Variants in MARCHF8 observed in about 807,000 individuals in gnomAD.
MARCHF8 encodes the protein membrane associated ring-CH-type finger 8, also known as E3 ubiquitin-protein ligase MARCHF8.
A neutral mutation model predicts 51.6 loss-of-function variants in MARCHF8; 40 were observed. The ratio of observed to expected loss-of-function variants is 0.77; its 90% CI spans 0.60 to 1.01. The LOEUF is 1.01. Among genes scored for constraint, MARCHF8 ranks in the 50% least tolerant of loss-of-function variants. MARCHF8 has a pLI of 0.00. For missense variants in MARCHF8, 685 were observed against 708.6 expected (o/e 0.97, Z 0.38); for synonymous variants, 263 against 280.3 (o/e 0.94, Z 0.62).
rs1051555085 is a variant in MARCHF8 at position 45,475,411 on chromosome 10, G to T, written c.154-11084C>A. On this transcript the variant is annotated intron_variant, in intron 3 of 7. Transcript: ENST00000453424. ...TAGAGCCTGAATGCATCCCCGGGGG[G>T]GGCTGAAGTATGTCCTACCCAGTTC... Among the ~76,000 whole-genome samples the T allele has an allele frequency of 3.3e-5, 5 of 152,150 alleles. No individual in the cohort carries two copies. The East Asian group carries it at 5.8e-4, about 18-fold the overall frequency.
chr10:45,525,367 T>C (rs1469600599), intron 2 of MARCHF8, among the ~76,000 whole-genome samples: 1 of 152,236 alleles, frequency 6.6e-6, no homozygotes, highest in Non-Finnish European at 1.5e-5. Context: ...TTGAATTACC[T>C]TCTTACTTAT....
At chr10:45,518,365 G>C (rs1477780472) in intron 2 of MARCHF8, among the ~76,000 whole-genome samples, 1 of 152,116 alleles carries the variant, frequency 6.6e-6, no homozygotes, top group Non-Finnish European at 1.5e-5. Flanking sequence ...TTGATGACAT[G>C]TGTATTCTCG....
At chr10:45,482,133 A>G (rs2042898664) in intron 3 of MARCHF8, among the ~76,000 whole-genome samples, 1 of 152,204 alleles carries the variant, frequency 6.6e-6, no homozygotes, top group East Asian at 1.9e-4. Context: ...TTGCAAGGAA[A>G]ACTACAAAAC....
At chr10:45,561,275 AT>A (rs369519527) in intron 1 of MARCHF8, among the ~76,000 whole-genome samples, 1,453 of 142,820 alleles carry the variant, frequency 0.01, 6 homozygotes, top group Middle Eastern at 0.018. Context: ...ATGAAACAGA[AT>A]TTTTTTTTTT....
Position 45,463,344 on chromosome 10 carries a change from T to G in MARCHF8, c.895A>C (p.Ser299Arg), listed in dbSNP as rs1471816458. Residue 299 changes from serine (S) to arginine (R), a missense_variant, in exon 5 of 8, where the codon AGT (serine) becomes CGT (arginine). Transcript: ENST00000453424. The stretch of plus-strand genomic sequence containing the variant: ...ATCTCGTCAGAGCAGAAGCCCATAC[T>G]CCCTGCCAGCCCGCTGGAGGACTTG... ...TAKSSSGLAG[S>R]MGFCSDEMGD... The G allele has an allele frequency of 1.9e-6, 3 of 1,550,782 alleles. No individual in the cohort carries two copies. In the South Asian group the frequency reaches 3.6e-5, roughly 18 times the overall value.
At chr10:45,503,881 T>C (rs2043329376) in intron 2 of MARCHF8, among the ~76,000 whole-genome samples, 1 of 134,040 alleles carries the variant, frequency 7.5e-6, no homozygotes, top group Admixed American at 7.3e-5. Flanking sequence ...CAAAAGATCA[T>C]ATATTATATG....
At chr10:45,566,725 CA>C (rs1564518506) in intron 1 of MARCHF8, among the ~76,000 whole-genome samples, 2 of 108,322 alleles carry the variant, frequency 1.8e-5, no homozygotes, top group South Asian at 3.1e-4. Flanking sequence ...AGTGCTGCAA[CA>C]AAAACAGGAG....
At chr10:45,508,061 G>C (rs2133178036) in intron 2 of MARCHF8, among the ~76,000 whole-genome samples, 1 of 152,164 alleles carries the variant, frequency 6.6e-6, no homozygotes, top group Non-Finnish European at 1.5e-5. Flanking sequence ...TCTCACTTAT[G>C]AAAGAGCCAA....
intron 2 of MARCHF8, among the ~76,000 whole-genome samples, chr10:45,503,397 A>G (rs2043317214): frequency 6.6e-6 from 1 of 152,054 alleles, no homozygotes. Flanking sequence ...TTAGCTAGGC[A>G]TGGTGACGTA....
At chr10:45,522,144 C>T (rs1343242173) in intron 2 of MARCHF8, among the ~76,000 whole-genome samples, 1 of 152,014 alleles carries the variant, frequency 6.6e-6, no homozygotes, top group Non-Finnish European at 1.5e-5. Flanking sequence ...TTCAAATTTC[C>T]CCCAAAAAAC....
chr10:45,514,856 T>A (rs559113463), intron 2 of MARCHF8, among the ~76,000 whole-genome samples: 1 of 152,146 alleles, frequency 6.6e-6, no homozygotes, highest in South Asian at 2.1e-4. Flanking sequence ...CAAAACAAAA[T>A]TTTTTTCCCC....
At chr10:45,554,898 T>C (rs1461542451) in intron 1 of MARCHF8, among the ~76,000 whole-genome samples, 3 of 151,860 alleles carry the variant, frequency 2.0e-5, no homozygotes, top group African/African-American at 7.3e-5. Flanking sequence ...CTACTAAAAA[T>C]ACAAAAATTA....
chr10:45,508,790 C>A (rs866351015), intron 2 of MARCHF8, among the ~76,000 whole-genome samples: 11 of 152,162 alleles, frequency 7.2e-5, no homozygotes, highest in African/African-American at 2.6e-4. Context: ...AATATTACAT[C>A]CTTTAACTAT....
At chr10:45,511,826 C>T (rs1184979313) in intron 2 of MARCHF8, among the ~76,000 whole-genome samples, 8 of 152,070 alleles carry the variant, frequency 5.3e-5, no homozygotes, top group African/African-American at 1.7e-4. Context: ...TGCCCGGCCG[C>T]CACCCCGTCT....
At chr10:45,461,118 C>T in intron 6 of MARCHF8, 113 bp downstream of exon 6, 1 of 728,070 alleles carries the variant, frequency 1.4e-6, no homozygotes, top group Non-Finnish European at 2.0e-6. Context: ...AGCACCAGCC[C>T]CAGCTTTTTA....
chr10:45,497,221 G>C (rs2043190060), intron 2 of MARCHF8, among the ~76,000 whole-genome samples: 2 of 151,996 alleles, frequency 1.3e-5, no homozygotes, highest in Admixed American at 1.3e-4. Context: ...GAGCTAAAGA[G>C]GGACTTTTAC....
chr10:45,552,916 T>C (rs893707559), intron 1 of MARCHF8, among the ~76,000 whole-genome samples: 1 of 152,168 alleles, frequency 6.6e-6, no homozygotes, highest in Non-Finnish European at 1.5e-5. Context: ...TGATCACAAA[T>C]GGACAAACAT....
chr10:45,466,530 A>T (rs1194233494), intron 3 of MARCHF8, among the ~76,000 whole-genome samples: 1 of 151,842 alleles, frequency 6.6e-6, no homozygotes, highest in Non-Finnish European at 1.5e-5. Flanking sequence ...GGTCAAGCAT[A>T]CTCCCTGGAA....
intron 1 of MARCHF8, among the ~76,000 whole-genome samples, chr10:45,555,100 A>G (rs764620478): frequency 6.6e-6 from 1 of 152,086 alleles, no homozygotes; most frequent in African/African-American, 2.4e-5. Flanking sequence ...GTAGTGGTGC[A>G]TGCCTGTAAT....
Sources: gnomAD v4.1 joint callset for allele counts (sites outside exome capture counted in the v4.1 genomes callset) on GRCh38, gnomAD v4.1.1 for gene constraint, MANE v1.5 for transcripts, NCBI Gene and HGNC (gene_info 2026-07-23, HGNC 2026-07-21) for gene names.